The following GRIK1 variants were observed in gnomAD, a reference collection of about 807,000 sequenced individuals.
The protein encoded by GRIK1 is glutamate ionotropic receptor kainate type subunit 1, also known as glutamate receptor ionotropic, kainate 1.
GRIK1 carries 69 observed loss-of-function variants against 105.7 expected under a neutral mutation model. That is an observed-to-expected ratio of 0.65 (90% confidence interval 0.54 to 0.80). GRIK1 has a LOEUF of 0.80. Ranked by LOEUF, GRIK1 falls within the 30% of genes least tolerant of loss-of-function variation. The pLI is 0.00. For missense variants in GRIK1, 1,109 were observed against 1,167.3 expected, an observed-to-expected ratio of 0.95 and a Z score of 0.73; for synonymous variants, 438 against 431.3, an observed-to-expected ratio of 1.02 and a Z score of -0.19.
At chr21:29,800,837 G>A (rs914085718) in intron 1 of GRIK1, among the ~76,000 whole-genome samples, 2 of 152,270 alleles carry the variant, frequency 1.3e-5, no homozygotes, top group South Asian at 2.1e-4. Flanking sequence ...TAGACAAGTC[G>A]GAGGAGGGAG....
chr21:29,819,343 G>A (rs1250729889), intron 1 of GRIK1, among the ~76,000 whole-genome samples: 1 of 151,910 alleles, frequency 6.6e-6, no homozygotes, highest in African/African-American at 2.4e-5. Context: ...GTGATACAAG[G>A]GAGTAAAATC....
chr21:29,637,801 G>A (rs918458540), intron 7 of GRIK1, among the ~76,000 whole-genome samples: 1 of 152,150 alleles, frequency 6.6e-6, no homozygotes, highest in Non-Finnish European at 1.5e-5. Flanking sequence ...ACTCAGCCTT[G>A]GTTGAGGTGA....
At chr21:29,861,614 C>T in intron 1 of GRIK1, 1 of 412,770 alleles carries the variant, frequency 2.4e-6, no homozygotes, top group African/African-American at 2.2e-5. Flanking sequence ...GCTGCACTTA[C>T]TCTTAATCAA....
chr21:29,920,104 C>T (rs1032193717), intron 1 of GRIK1, among the ~76,000 whole-genome samples: 1 of 152,072 alleles, frequency 6.6e-6, no homozygotes, highest in Non-Finnish European at 1.5e-5. Flanking sequence ...CCAGAAATTG[C>T]CTACTCTGCT....
intron 1 of GRIK1, among the ~76,000 whole-genome samples, chr21:29,938,011 T>C (rs2071833090): frequency 6.6e-6 from 1 of 152,212 alleles, no homozygotes; most frequent in Admixed American, 6.5e-5. Context: ...AACATGTGTG[T>C]AGTAAAAGTT....
At chr21:29,724,939 A>G (rs2064416004) in intron 1 of GRIK1, among the ~76,000 whole-genome samples, 1 of 150,850 alleles carries the variant, frequency 6.6e-6, no homozygotes. Flanking sequence ...TTTCACTTTC[A>G]TATTTTTATC....
At position 29,640,527 on chromosome 21, in the gene GRIK1, A is replaced by G. The variant is rs977205200; in HGVS notation, c.1098+2299T>C. On this transcript the variant is annotated intron_variant, in intron 7 of 17. Transcript: ENST00000327783. ...CCTAACTGTGGAGATTAAAAATGAG[A>G]GATTTGCTTCTTTGGAGTGAATGAA... Among the ~76,000 whole-genome samples, 35 of 152,070 alleles carry G rather than the reference A, an allele frequency of 2.3e-4. 1 individual carries two copies. Among genetic ancestry groups the G allele is most frequent in the African/African-American group, 5.6e-4 (23 of 41,392 alleles).
intron 1 of GRIK1, among the ~76,000 whole-genome samples, chr21:29,712,123 CAT>C (rs1389599263): frequency 4.6e-4 from 68 of 147,122 alleles, no homozygotes; most frequent in East Asian, 1.8e-3. Context: ...CACACACACA[CAT>C]ATATATAGGT....
At chr21:29,709,405 C>T (rs2146806609) in intron 1 of GRIK1, among the ~76,000 whole-genome samples, 1 of 151,676 alleles carries the variant, frequency 6.6e-6, no homozygotes, top group East Asian at 1.9e-4. Context: ...CTCAGCATCC[C>T]AAGTAGCTGG....
chr21:29,722,907 T>A (rs2064358129), intron 1 of GRIK1, among the ~76,000 whole-genome samples: 1 of 152,238 alleles, frequency 6.6e-6, no homozygotes, highest in Non-Finnish European at 1.5e-5. Flanking sequence ...GAATAAAATG[T>A]TCGTAGCAGT....
chr21:29,799,848 G>GACA lies in GRIK1; in HGVS notation c.119-105788_119-105786dup, dbSNP rs2066656485. Among the ~76,000 whole-genome samples the GACA allele has an allele frequency of 2.0e-5, 3 of 152,138 alleles. No individual in the cohort carries two copies. The South Asian group carries it at 6.2e-4, about 32-fold the overall frequency. On this transcript the variant is annotated intron_variant, in intron 1 of 17. Transcript: ENST00000327783. ...AGTGCCCAGCCAGTTTTTTTAAACAGACAACATTTATATTCAAGTAGAAAT... is the reference window on the plus strand; with the variant it reads ...AGTGCCCAGCCAGTTTTTTTAAACAGACAACAACATTTATATTCAAGTAGAAAT...
intron 1 of GRIK1, among the ~76,000 whole-genome samples, chr21:29,895,892 T>A (rs1215595664): frequency 6.6e-6 from 1 of 152,214 alleles, no homozygotes; most frequent in Non-Finnish European, 1.5e-5. Flanking sequence ...AGGCTTCCAC[T>A]GACTTCTCAT....
intron 1 of GRIK1, among the ~76,000 whole-genome samples, chr21:29,781,468 C>G (rs2066097314): frequency 6.6e-6 from 1 of 152,126 alleles, no homozygotes. Context: ...GTATTTCCCA[C>G]TCTCATTACT....
intron 1 of GRIK1, among the ~76,000 whole-genome samples, chr21:29,908,286 G>A (rs458064): frequency 0.22 from 33,427 of 151,886 alleles, 4,184 homozygotes; most frequent in African/African-American, 0.34. Flanking sequence ...TAATAACTCA[G>A]TTTCCTAGAT....
intron 11 of GRIK1, 103 bp from the exon 12 acceptor site, chr21:29,587,692 C>A (rs2091160930): frequency 6.1e-6 from 4 of 657,196 alleles, no homozygotes; most frequent in Middle Eastern, 8.4e-4. Context: ...CTAAATGCTT[C>A]TCATTCATGA....
chr21:29,663,867 G>A (rs946558877), intron 4 of GRIK1, among the ~76,000 whole-genome samples: 5 of 152,120 alleles, frequency 3.3e-5, no homozygotes, highest in African/African-American at 1.2e-4. Flanking sequence ...ACTATGCAGA[G>A]GATGGTTAGG....
chr21:29,776,990 G>A (rs1316774371), intron 1 of GRIK1, among the ~76,000 whole-genome samples: 1 of 152,250 alleles, frequency 6.6e-6, no homozygotes, highest in African/African-American at 2.4e-5. Context: ...ATCAAGAAAG[G>A]GAAGTACAAG....
At chr21:29,690,074 T>A in intron 2 of GRIK1, 89 bp from the exon 3 acceptor site, 2 of 999,264 alleles carry the variant, frequency 2.0e-6, no homozygotes, top group East Asian at 5.1e-5. Context: ...ATTTTTTCTT[T>A]CATGATTCCT....
At chr21:29,620,808 T>TATATATATATATAG (rs2061978720) in intron 7 of GRIK1, among the ~76,000 whole-genome samples, 8 of 122,626 alleles carry the variant, frequency 6.5e-5, no homozygotes, top group Admixed American at 8.1e-5. Context: ...TATATATAGA[T>TATATATATATATAG]ATATATATAT....
Sources: allele counts gnomAD v4.1 joint callset (sites outside exome capture counted in the v4.1 genomes callset), GRCh38; gene constraint gnomAD v4.1.1; transcripts MANE v1.5; gene names NCBI Gene and HGNC (gene_info 2026-07-23, HGNC 2026-07-21).